Variants in ARMH3 observed in about 807,000 individuals in gnomAD.
ARMH3 encodes the protein armadillo-like helical domain-containing protein 3.
Under a neutral mutation model 99.1 loss-of-function variants are expected in ARMH3, and 60 were observed. That is an observed-to-expected ratio of 0.61 (90% CI 0.49 to 0.75). The LOEUF (loss-of-function observed/expected upper bound fraction) is 0.75. Ranked by LOEUF, ARMH3 falls within the 30% of genes least tolerant of loss-of-function variation. ARMH3 has a pLI of 0.00. For synonymous variants in ARMH3, 285 were observed against 292.8 expected (o/e 0.97, Z 0.27); for missense variants, 679 against 843.1 (o/e 0.81, Z 2.41).
rs532566937 is a variant in ARMH3, at chr10:102,041,595, T to C, written c.-11-1470A>G. 2.0e-5 allele frequency among the ~76,000 whole-genome samples: 3 copies of C among 152,264 alleles called. No individual in the cohort carries two copies. In the South Asian group the frequency reaches 6.2e-4, roughly 32 times the overall value. On this transcript the variant is annotated intron_variant, in intron 1 of 25. Transcript: ENST00000370033. ...ATAGCAAAGAGAGGAGATTCATCTT[T>C]GAGCATACACTAAAGCACAGGAAAT...
intron 20 of ARMH3, among the ~76,000 whole-genome samples, chr10:101,959,053 G>A (rs774096257): frequency 4.6e-5 from 7 of 152,132 alleles, no homozygotes; most frequent in Non-Finnish European, 8.8e-5. Context: ...TCTTTACCCC[G>A]GCCCCAACTT....
chr10:101,931,753 A>G (rs1210215139), intron 23 of ARMH3, among the ~76,000 whole-genome samples: 1 of 152,186 alleles, frequency 6.6e-6, no homozygotes, highest in Admixed American at 6.5e-5. Flanking sequence ...CCCTACCTCA[A>G]AAAACAAAAA....
chr10:102,023,850 A>AT, intron 6 of ARMH3, 101 bp from the exon 7 acceptor site: 2 of 1,132,094 alleles, frequency 1.8e-6, no homozygotes, highest in Non-Finnish European at 2.6e-6. Flanking sequence ...ATATTAAAAT[A>AT]TTTCTACTAG....
At chr10:101,879,780 C>G (rs948191315) in intron 24 of ARMH3, among the ~76,000 whole-genome samples, 3 of 152,230 alleles carry the variant, frequency 2.0e-5, no homozygotes, top group Non-Finnish European at 4.4e-5. Context: ...TCTAGGGCCT[C>G]TGGCAGTGCA....
At chr10:102,015,326 AC>A (rs1308321677) in intron 8 of ARMH3, among the ~76,000 whole-genome samples, 5 of 152,022 alleles carry the variant, frequency 3.3e-5, no homozygotes, top group Non-Finnish European at 5.9e-5. Flanking sequence ...AGAGCAGACC[AC>A]TATTTCTTGG....
intron 20 of ARMH3, among the ~76,000 whole-genome samples, chr10:101,974,113 T>C (rs563647866): frequency 6.6e-6 from 1 of 152,270 alleles, no homozygotes; most frequent in South Asian, 2.1e-4. Flanking sequence ...TCCTAAAATA[T>C]CAAAATGCCA....
At chr10:102,042,842 G>A (rs1201325630) in intron 1 of ARMH3, among the ~76,000 whole-genome samples, 1 of 152,234 alleles carries the variant, frequency 6.6e-6, no homozygotes, top group Non-Finnish European at 1.5e-5. Context: ...GGAGGCCAAG[G>A]TGGGCGGATC....
rs1237880974 is a variant in ARMH3, at chr10:101,900,541, G to C, written c.1782-11051C>G. Among the ~76,000 whole-genome samples the C allele has an allele frequency of 2.0e-5, 3 of 152,044 alleles. No homozygotes were observed. The East Asian group carries it at 5.8e-4, about 29-fold the overall frequency. ...TGAATTAAGAACTTTTTAAAAACTGGCATGAGACAAAAACCTGAAATATTT... is the reference window on the plus strand; with the variant it reads ...TGAATTAAGAACTTTTTAAAAACTGCCATGAGACAAAAACCTGAAATATTT... On this transcript the variant is annotated intron_variant, in intron 23 of 25. Transcript: ENST00000370033.
Position 101,854,195 on chromosome 10 carries a change from T to C in ARMH3, c.1861-4303A>G, listed in dbSNP as rs78552226. 9.8e-5 allele frequency among the ~76,000 whole-genome samples: 15 copies of C among 152,354 alleles called. No individual in the cohort carries two copies. In the East Asian group the frequency reaches 2.7e-3, roughly 27 times the overall value. ...AGACAATTCACCTAGCCTCTTGTTA[T>C]GGGACTTCAGACAATTCACCTAGCC... On this transcript the variant is annotated intron_variant, in intron 24 of 25. Transcript: ENST00000370033.
chr10:101,982,742 C>T (rs1483935671), intron 19 of ARMH3, among the ~76,000 whole-genome samples: 1 of 151,962 alleles, frequency 6.6e-6, no homozygotes, highest in Non-Finnish European at 1.5e-5. Flanking sequence ...GGTTGTGGCT[C>T]CTTATGATAA....
At chr10:102,024,457 T>A (rs2066955354) in intron 6 of ARMH3, among the ~76,000 whole-genome samples, 1 of 138,384 alleles carries the variant, frequency 7.2e-6, no homozygotes, top group African/African-American at 2.7e-5. Flanking sequence ...CCTTGAAAAA[T>A]AAATAAATAA....
chr10:101,880,728 C>T (rs1477108608), intron 24 of ARMH3, among the ~76,000 whole-genome samples: 1 of 152,102 alleles, frequency 6.6e-6, no homozygotes, highest in Non-Finnish European at 1.5e-5. Context: ...AAGTATCAGG[C>T]TCCATTTTCC....
Position 101,876,247 on chromosome 10 carries a change from C to CAAAAA in ARMH3, c.1860+13160_1860+13164dup, listed in dbSNP as rs34928343. ...CTGGCGACAGAGCAAGGCTCCATCT[C>CAAAAA]AAAAAAAAAAAAAAAAAAAAACAAC... On this transcript the variant is annotated intron_variant, in intron 24 of 25. Coordinates refer to ENST00000370033, the MANE Select transcript of ARMH3 (RefSeq NM_024541.3). 9.2e-4 allele frequency among the ~76,000 whole-genome samples: 77 copies of CAAAAA among 83,310 alleles called. 1 individual carries two copies. Among genetic ancestry groups the CAAAAA allele is most frequent in the Admixed American group, 1.4e-3 (9 of 6,300 alleles). 54.7% of individuals were successfully genotyped at this position (83,310 alleles called of 152,430 possible).
At chr10:101,929,071 C>T (rs1462035452) in intron 23 of ARMH3, among the ~76,000 whole-genome samples, 2 of 152,308 alleles carry the variant, frequency 1.3e-5, no homozygotes, top group Non-Finnish European at 2.9e-5. Context: ...ACAAGAATGT[C>T]TTCTACAAAC....
intron 23 of ARMH3, among the ~76,000 whole-genome samples, chr10:101,938,788 T>C (rs1669388060): frequency 6.6e-6 from 1 of 152,214 alleles, no homozygotes; most frequent in South Asian, 2.1e-4. Context: ...TTGTGAGATT[T>C]ATAAAATTGT....
chr10:102,051,967 T>C (rs557891573), intron 1 of ARMH3, among the ~76,000 whole-genome samples: 1 of 152,252 alleles, frequency 6.6e-6, no homozygotes, highest in South Asian at 2.1e-4. Flanking sequence ...AAATTGACAG[T>C]ATTTCAGGAA....
At chr10:101,873,324 A>G (rs2135376443) in intron 24 of ARMH3, among the ~76,000 whole-genome samples, 1 of 152,024 alleles carries the variant, frequency 6.6e-6, no homozygotes, top group East Asian at 1.9e-4. Context: ...AGGCAGGAGA[A>G]TCATTTGAAC....
At chr10:101,876,517 C>A (rs2067271192) in intron 24 of ARMH3, among the ~76,000 whole-genome samples, 2 of 152,190 alleles carry the variant, frequency 1.3e-5, no homozygotes, top group African/African-American at 4.8e-5. Flanking sequence ...CATCTGTGGG[C>A]TCTAACTAGG....
chr10:101,917,720 C>T (rs765797350), intron 23 of ARMH3, among the ~76,000 whole-genome samples: 2 of 152,302 alleles, frequency 1.3e-5, no homozygotes, highest in Middle Eastern at 3.4e-3. Context: ...TGTGATGCTT[C>T]TCTTTCTGGT....
Sources: allele counts gnomAD v4.1 joint callset (sites outside exome capture counted in the v4.1 genomes callset), GRCh38; gene constraint gnomAD v4.1.1; transcripts MANE v1.5; gene names NCBI Gene and HGNC (gene_info 2026-07-23, HGNC 2026-07-21).